GDPD4: variants seen among roughly 807,000 people sequenced by gnomAD.
The protein encoded by GDPD4 is glycerophosphodiester phosphodiesterase domain containing 4.
Under a neutral mutation model 67.8 loss-of-function variants are expected in GDPD4, and 60 were observed. The observed-to-expected ratio is 0.88, with a 90% confidence interval of 0.72 to 1.10. The LOEUF (loss-of-function observed/expected upper bound fraction) is 1.10. Ranked by LOEUF, GDPD4 falls within the 50% of genes least tolerant of loss-of-function variation. The probability of loss-of-function intolerance (pLI) is 0.00; values close to 1 mark genes in which losing one functional copy is unlikely to be tolerated. For missense variants in GDPD4, 623 were observed against 613.9 expected (o/e 1.01, Z -0.16); for synonymous variants, 212 against 210.9 (o/e 1.00, Z -0.04).
At chr11:77,291,741 T>C (rs1267680245) in intron 1 of GDPD4, among the ~76,000 whole-genome samples, 1 of 152,218 alleles carries the variant, frequency 6.6e-6, no homozygotes, top group East Asian at 1.9e-4. Context: ...TATATAATTA[T>C]TCATACTTGC....
Position 77,243,824 on chromosome 11 carries a change from T to C in GDPD4, c.1111A>G (p.Arg371Gly), listed in dbSNP as rs201721341. Reference protein sequence around the residue: ...HLIFWLPAHDRQYVRSVAPGF... With the variant: ...HLIFWLPAHDGQYVRSVAPGF... ...GGAGCCACGGACCTGACGTATTGCC[T>C]ATCATGAGCTGGCAACCAAAAAATC... Residue 371 changes from arginine (R) to glycine (G), a missense_variant, in exon 13 of 17, where the codon AGG becomes GGG. Transcript: ENST00000315938. The C allele has an allele frequency of 8.1e-6, 13 of 1,613,150 alleles. No homozygotes were observed. The highest frequency in any genetic ancestry group is 1.1e-5 in the Non-Finnish European group (13 of 1,179,586).
At position 77,268,505 on chromosome 11, in the gene GDPD4, T is replaced by C. The variant is rs2729772; in HGVS notation, c.659A>G (p.Lys220Arg). ...GPENTMMSFE[K>R]AVEHGAHGLE... ...TCCATGGGCTCCATGTTCAACAGCT[T>C]TCTCAAAGGACATCATGGTATTCTC... The change falls in exon 10 of 17, where the codon AAA becomes AGA. Residue 220 changes from lysine (K) to arginine (R), a missense_variant. By Grantham distance (26) the Lys-to-Arg change is conservative. Coordinates refer to ENST00000315938, the MANE Select transcript of GDPD4 (RefSeq NM_182833.3). 0.061 allele frequency: 97,968 copies of C among 1,611,744 alleles called. 9,019 individuals carry two copies. The highest frequency in any genetic ancestry group is 0.4 in the African/African-American group (29,552 of 74,668).
Position 77,258,468 on chromosome 11 carries a change from T to C in GDPD4, c.782A>G (p.Glu261Gly). 6.2e-7 allele frequency: 1 copy of C among 1,614,096 alleles called. No homozygotes were observed. The change falls in exon 11 of 17, where the codon GAA becomes GGA. Residue 261 changes from glutamate (E) to glycine (G), a missense_variant. Coordinates refer to ENST00000315938, the MANE Select transcript of GDPD4 (RefSeq NM_182833.3). Reference protein sequence around the residue: ...RTTNIGEVQPESACENPAFFN... With the variant: ...RTTNIGEVQPGSACENPAFFN... ...GAAGGCAGGGTTCTCGCAGGCAGAT[T>C]CTGGCTGAACTTCCCCAATATTGGT...
At position 77,216,629 on chromosome 11, in the gene GDPD4, T is replaced by G; in HGVS notation, c.*648A>C. 2.5e-6 allele frequency: 1 copy of G among 407,904 alleles called. No individual in the cohort carries two copies. The highest frequency in any genetic ancestry group is 4.5e-6 in the Non-Finnish European group (1 of 224,666). 25.3% of individuals were successfully genotyped at this position (407,904 alleles called of 1,614,324 possible). ...AGAAAATATTATGGAGGTGTTAGGA[T>G]GAGATAAACCTGACAGCAACCAGTT... On this transcript the variant is annotated 3_prime_UTR_variant, in exon 17 of 17. Coordinates refer to ENST00000315938, the MANE Select transcript of GDPD4 (RefSeq NM_182833.3).
intron 16 of GDPD4, among the ~76,000 whole-genome samples, chr11:77,221,808 A>G (rs1191927336): frequency 6.6e-6 from 1 of 151,788 alleles, no homozygotes; most frequent in African/African-American, 2.4e-5. Flanking sequence ...TGTCTCGTTG[A>G]TCTGTCTAAT....
At chr11:77,238,161 A>AC (rs1958598509) in intron 13 of GDPD4, among the ~76,000 whole-genome samples, 1 of 152,144 alleles carries the variant, frequency 6.6e-6, no homozygotes, top group Non-Finnish European at 1.5e-5. Flanking sequence ...AAATTCATAA[A>AC]CCCCTAGCAA....
chr11:77,222,599 C>A (rs180734861), intron 16 of GDPD4, among the ~76,000 whole-genome samples: 2,907 of 152,274 alleles, frequency 0.019, 32 homozygotes, highest in African/African-American at 0.033. Context: ...CTGAGAGATC[C>A]GCTGTTAGTC....
At chr11:77,243,025 G>A (rs956851873) in intron 13 of GDPD4, among the ~76,000 whole-genome samples, 1 of 151,994 alleles carries the variant, frequency 6.6e-6, no homozygotes, top group African/African-American at 2.4e-5. Flanking sequence ...GGAAGACTTT[G>A]TCTCTAAAGC....
Position 77,258,432 on chromosome 11 carries a change from T to C in GDPD4, c.818A>G (p.Asp273Gly). Residue 273 changes from aspartate to glycine, a missense_variant, in exon 11 of 17, where the codon GAT becomes GGT. Asp to Gly is a moderately conservative substitution (Grantham distance 94, BLOSUM62 -1). Coordinates refer to ENST00000315938, the MANE Select transcript of GDPD4 (RefSeq NM_182833.3). ...ACENPAFFNW[D>G]FLSTLNAGKW... The stretch of plus-strand genomic sequence containing the variant: ...GCCTGCATTCAGAGTCGATAGGAAA[T>C]CCCAGTTGAAGAAGGCAGGGTTCTC... 1 of 1,614,062 alleles carries C rather than the reference T, an allele frequency of 6.2e-7. No individual in the cohort carries two copies. Among genetic ancestry groups the C allele is most frequent in the Non-Finnish European group, 8.5e-7 (1 of 1,179,954 alleles).
At chr11:77,231,012 G>C (rs766288771) in intron 14 of GDPD4, among the ~76,000 whole-genome samples, 2 of 152,122 alleles carry the variant, frequency 1.3e-5, no homozygotes, top group Non-Finnish European at 2.9e-5. Flanking sequence ...AGAGAAACTT[G>C]GTCATTCCAG....
intron 11 of GDPD4, among the ~76,000 whole-genome samples, chr11:77,257,972 T>A (rs1404880827): frequency 6.6e-6 from 1 of 152,218 alleles, no homozygotes. Context: ...TGTGTGTTTA[T>A]TCACCATTAT....
intron 10 of GDPD4, among the ~76,000 whole-genome samples, chr11:77,260,693 G>C (rs191138001): frequency 6.6e-6 from 1 of 152,038 alleles, no homozygotes; most frequent in Non-Finnish European, 1.5e-5. Flanking sequence ...AGGAAAACAT[G>C]AACATAATGA....
chr11:77,218,388 T>C (rs1958165260), intron 16 of GDPD4, among the ~76,000 whole-genome samples: 2 of 152,198 alleles, frequency 1.3e-5, no homozygotes, highest in Admixed American at 1.3e-4. Flanking sequence ...ATAGGATAGT[T>C]ACCGCTCTTT....
chr11:77,257,917 ACTGT>A (rs1333849478), intron 11 of GDPD4, among the ~76,000 whole-genome samples: 1 of 152,196 alleles, frequency 6.6e-6, no homozygotes, highest in Non-Finnish European at 1.5e-5. Context: ...ATGTACAGTA[ACTGT>A]CTGTTTCTTA....
chr11:77,217,130 A>T lies in GDPD4; in HGVS notation c.*147T>A. 1.4e-6 allele frequency: 1 copy of T among 731,040 alleles called. No individual in the cohort carries two copies. Among genetic ancestry groups the T allele is most frequent in the Non-Finnish European group, 2.5e-6 (1 of 394,718 alleles). 45.3% of individuals were successfully genotyped at this position (731,040 alleles called of 1,614,324 possible). On this transcript the variant is annotated 3_prime_UTR_variant, in exon 17 of 17. Transcript: ENST00000315938. ...AGGTGTGACAGCATTCTTGATAGGT[A>T]GTAGTTTCTTGGATGGTGCTGCAAA... is the stretch of plus-strand genomic sequence containing the variant.
intron 10 of GDPD4, among the ~76,000 whole-genome samples, chr11:77,259,814 G>A (rs1008830296): frequency 6.6e-6 from 1 of 152,176 alleles, no homozygotes; most frequent in Non-Finnish European, 1.5e-5. Context: ...GTCCATAAGT[G>A]TATGGCTAAA....
chr11:77,296,325 AT>A (rs150817128), intron 1 of GDPD4, among the ~76,000 whole-genome samples: 48,472 of 141,288 alleles, frequency 0.34, 8,461 homozygotes, highest in East Asian at 0.46. Context: ...TTTTTAATTA[AT>A]TTTTTTTTTT....
chr11:77,253,463 T>C (rs1958946006), intron 11 of GDPD4, among the ~76,000 whole-genome samples: 1 of 152,136 alleles, frequency 6.6e-6, no homozygotes, highest in Non-Finnish European at 1.5e-5. Context: ...TGTGACTCCA[T>C]TCCTTAGGGA....
chr11:77,223,797 C>G (rs1958273438), intron 16 of GDPD4, among the ~76,000 whole-genome samples: 2 of 152,308 alleles, frequency 1.3e-5, no homozygotes, highest in Non-Finnish European at 2.9e-5. Flanking sequence ...GCCCTGCCCC[C>G]AGAGGTGGAG....
Sources: gnomAD v4.1 joint callset for allele counts (sites outside exome capture counted in the v4.1 genomes callset) on GRCh38, gnomAD v4.1.1 for gene constraint, MANE v1.5 for transcripts, NCBI Gene and HGNC (gene_info 2026-07-23, HGNC 2026-07-21) for gene names.